The following MYO9A variants were observed in gnomAD, a reference collection of about 807,000 sequenced individuals.
The protein encoded by MYO9A is myosin IXA, also known as unconventional myosin-IXa.
Under a neutral mutation model 293.3 loss-of-function variants are expected in MYO9A, and 103 were observed. The ratio of observed to expected loss-of-function variants is 0.35; its 90% CI spans 0.30 to 0.41. MYO9A has a LOEUF of 0.41. MYO9A is among the 10% of genes least tolerant of loss of function. MYO9A has a pLI of 1.00. For missense variants in MYO9A, 2,685 were observed against 3,033.0 expected (o/e 0.89, Z 2.69); for synonymous variants, 1,001 against 1,035.7 (o/e 0.97, Z 0.64).
intron 22 of MYO9A, 91 bp from the exon 23 acceptor site, chr15:71,901,431 G>T: frequency 7.4e-7 from 1 of 1,343,860 alleles, no homozygotes. Flanking sequence ...AGCTTTTAGA[G>T]AAGAACAAAC....
chr15:71,948,567 T>C (rs1358716385), intron 15 of MYO9A, among the ~76,000 whole-genome samples: 1 of 152,168 alleles, frequency 6.6e-6, no homozygotes, highest in Non-Finnish European at 1.5e-5. Context: ...ACAGAAGAGA[T>C]GAGTAGCTGC....
Position 71,897,536 on chromosome 15 carries a change from T to C in MYO9A, c.4967A>G (p.Asn1656Ser), listed in dbSNP as rs2057364081. 1 of 1,614,036 alleles carries C rather than the reference T, an allele frequency of 6.2e-7. No homozygotes were observed. The highest frequency in any genetic ancestry group is 1.3e-5 in the African/African-American group (1 of 74,932). ...HFRPTQSYSH[N>S]SDDLSREGNA... ...TCCCTCTCTGGAAAGGTCATCAGAA[T>C]TGTGGCTGTAAGACTGAGTTGGCCT... is the stretch of plus-strand genomic sequence containing the variant. The change falls in exon 25 of 42, where the codon AAT becomes AGT. Residue 1656 changes from asparagine (N) to serine (S), a missense_variant. Coordinates refer to ENST00000356056, the MANE Select transcript of MYO9A (RefSeq NM_006901.4).
intron 1 of MYO9A, among the ~76,000 whole-genome samples, chr15:72,099,422 C>CAAAAAAAAAAAA (rs57019438): frequency 1.1e-5 from 1 of 90,154 alleles, no homozygotes; most frequent in African/African-American, 5.2e-5. Flanking sequence ...GACCCTGCCC[C>CAAAAAAAAAAAA]AAAAAAAAAA....
intron 13 of MYO9A, among the ~76,000 whole-genome samples, chr15:71,967,170 CTT>C (rs2075898937): frequency 6.6e-6 from 1 of 152,156 alleles, no homozygotes; most frequent in Non-Finnish European, 1.5e-5. Flanking sequence ...GACCCATTAA[CTT>C]ATTTATAACA....
chr15:71,917,528 C>T (rs533947510), intron 18 of MYO9A, among the ~76,000 whole-genome samples: 4 of 152,082 alleles, frequency 2.6e-5, no homozygotes, highest in Non-Finnish European at 5.9e-5. Context: ...GTGAGAGACT[C>T]TGTCAAAAAC....
At chr15:72,106,140 C>T (rs1369531546) in intron 1 of MYO9A, among the ~76,000 whole-genome samples, 3 of 151,784 alleles carry the variant, frequency 2.0e-5, no homozygotes, top group African/African-American at 7.3e-5. Flanking sequence ...AAAATGGTTA[C>T]GTATAGAGGA....
At chr15:72,101,507 G>A (rs1596576305) in intron 1 of MYO9A, among the ~76,000 whole-genome samples, 2 of 124,934 alleles carry the variant, frequency 1.6e-5, no homozygotes, top group South Asian at 5.4e-4. Context: ...CCGTCCGGGA[G>A]GGAGGTGGGG....
intron 1 of MYO9A, among the ~76,000 whole-genome samples, chr15:72,068,846 T>C (rs188659104): frequency 6.6e-4 from 101 of 152,270 alleles, no homozygotes; most frequent in African/African-American, 2.4e-3. Flanking sequence ...TTAATGATAA[T>C]GAATAACTGC....
intron 3 of MYO9A, among the ~76,000 whole-genome samples, chr15:72,031,979 T>C (rs139734374): frequency 1.5e-3 from 222 of 152,304 alleles, no homozygotes; most frequent in African/African-American, 4.7e-3. Flanking sequence ...CAATCTCAGC[T>C]CACTGCAACC....
chr15:71,971,004 C>T (rs1404223544), intron 12 of MYO9A, among the ~76,000 whole-genome samples: 2 of 151,204 alleles, frequency 1.3e-5, no homozygotes, highest in East Asian at 1.9e-4. Flanking sequence ...TGAAAAAACA[C>T]AAAAAAATTA....
chr15:72,052,978 C>CCAAGAAGTATCACCT (rs1436600865), intron 1 of MYO9A, among the ~76,000 whole-genome samples: 3 of 152,190 alleles, frequency 2.0e-5, no homozygotes, highest in African/African-American at 7.2e-5. Context: ...AAGTATCACC[C>CCAAGAAGTATCACCT]CAAGAAGTAT....
intron 15 of MYO9A, chr15:71,950,478 A>G (rs2059024612): frequency 6.6e-6 from 1 of 152,268 alleles, no homozygotes; most frequent in Non-Finnish European, 1.5e-5. Flanking sequence ...AAAATGTTTT[A>G]TAGACTATTT....
intron 18 of MYO9A, among the ~76,000 whole-genome samples, chr15:71,930,967 C>T (rs756916764): frequency 8.5e-5 from 13 of 152,118 alleles, no homozygotes; most frequent in East Asian, 1.9e-4. Flanking sequence ...TACACTTTTA[C>T]TCACCCTTCA....
chr15:71,843,424 C>G (rs1385930302), intron 39 of MYO9A, among the ~76,000 whole-genome samples: 1 of 152,178 alleles, frequency 6.6e-6, no homozygotes, highest in Admixed American at 6.5e-5. Context: ...CAGCAAGACT[C>G]TGTCTCAAAA....
chr15:71,922,813 CTAATGTACTTAACATTAGG>C (rs1417388906), intron 18 of MYO9A, among the ~76,000 whole-genome samples: 1 of 152,148 alleles, frequency 6.6e-6, no homozygotes, highest in East Asian at 1.9e-4. Flanking sequence ...TTGATAATTA[CTAATGTACTTAACATTAGG>C]TAATTTAGTG....
intron 2 of MYO9A, 77 bp downstream of exon 2, chr15:72,045,647 C>T (rs2149682904): frequency 7.0e-7 from 1 of 1,438,766 alleles, no homozygotes; most frequent in Non-Finnish European, 9.2e-7. Context: ...TGCAGTACCT[C>T]CAGGAATGGT....
rs1458951102 is a variant in MYO9A, at chr15:71,824,305, A to AGTCGT, written c.*2270_*2274dup. On this transcript the variant is annotated 3_prime_UTR_variant, in exon 42 of 42. Transcript: ENST00000356056. ...TAGTTCCTTTAAAGTGACCTACATC[A>AGTCGT]GTCGTTTTTTAACTGCCAAAAAACT... 6.6e-6 allele frequency: 1 copy of AGTCGT among 152,226 alleles called. No homozygotes were observed. The highest frequency in any genetic ancestry group is 1.5e-5 in the Non-Finnish European group (1 of 68,040). 9.4% of individuals were successfully genotyped at this position (152,226 alleles called of 1,614,324 possible).
intron 18 of MYO9A, among the ~76,000 whole-genome samples, chr15:71,922,634 CA>C (rs2058185903): frequency 6.6e-6 from 1 of 152,114 alleles, no homozygotes; most frequent in African/African-American, 2.4e-5. Context: ...CTTTGGGAAT[CA>C]AAACTCTATT....
At chr15:72,061,114 T>G (rs898948397) in intron 1 of MYO9A, among the ~76,000 whole-genome samples, 1 of 152,088 alleles carries the variant, frequency 6.6e-6, no homozygotes, top group Non-Finnish European at 1.5e-5. Context: ...AAAGACCCAG[T>G]CCTGGCAGGA....
Sources: gnomAD v4.1 joint callset for allele counts (sites outside exome capture counted in the v4.1 genomes callset) on GRCh38, gnomAD v4.1.1 for gene constraint, MANE v1.5 for transcripts, NCBI Gene and HGNC (gene_info 2026-07-23, HGNC 2026-07-21) for gene names.